Variants in KCNE3 observed in about 807,000 individuals in gnomAD.
KCNE3 encodes potassium voltage-gated channel subfamily E member 3.
A neutral mutation model predicts 4.3 loss-of-function variants in KCNE3; 2 were observed. The observed-to-expected ratio is 0.47, with a 90% CI of 0.19 to 1.48. The LOEUF (loss-of-function observed/expected upper bound fraction) is 1.48. Among genes scored for constraint, KCNE3 ranks in the 40% most tolerant of loss-of-function variants. KCNE3 has a pLI of 0.25. For synonymous variants in KCNE3, 47 were observed against 52.0 expected (o/e 0.90, Z 0.41); for missense variants, 128 against 136.8 (o/e 0.94, Z 0.32).
chr11:74,463,153 T>TA (rs1863991127), intron 1 of KCNE3, among the ~76,000 whole-genome samples: 1 of 151,962 alleles, frequency 6.6e-6, no homozygotes, highest in African/African-American at 2.4e-5. Context: ...GAGGAGGGGA[T>TA]AGACTCTGCA....
chr11:74,462,435 A>C (rs1863975186), intron 1 of KCNE3: 1 of 152,224 alleles, frequency 6.6e-6, no homozygotes, highest in South Asian at 2.1e-4. Context: ...AGCCTAAAAC[A>C]TTCCCTTTCC....
chr11:74,459,410 C>A (rs11236112), intron 2 of KCNE3, among the ~76,000 whole-genome samples: 1 of 151,550 alleles, frequency 6.6e-6, no homozygotes, highest in Non-Finnish European at 1.5e-5. Flanking sequence ...TACAGGCGCC[C>A]GCCATCACGC....
chr11:74,465,298 T>A (rs1864037952), intron 1 of KCNE3, among the ~76,000 whole-genome samples: 1 of 152,134 alleles, frequency 6.6e-6, no homozygotes, highest in Non-Finnish European at 1.5e-5. Context: ...CACACGCACA[T>A]ACATTCATGA....
chr11:74,457,707 G>A, intron 2 of KCNE3, 104 bp from the exon 3 acceptor site: 1 of 779,828 alleles, frequency 1.3e-6, no homozygotes, highest in Non-Finnish European at 2.2e-6. Flanking sequence ...TGGCTGATAT[G>A]GTTTGGCTGT....
In KCNE3 at chr11:74,461,966, C is replaced by T. The variant is rs1863964064; in HGVS notation, c.-52G>A. Reference sequence around the variant, plus strand: ...TCTGGAAGACTCACCAGACTGCTGGCAAATCCACTGGCTCTCAGTCAGTTT... The same window carrying T: ...TCTGGAAGACTCACCAGACTGCTGGTAAATCCACTGGCTCTCAGTCAGTTT... On this transcript the variant is annotated 5_prime_UTR_variant, in exon 2 of 3. Coordinates refer to ENST00000310128, the MANE Select transcript of KCNE3 (RefSeq NM_005472.5). The T allele has an allele frequency of 6.6e-6, 1 of 152,178 alleles. No individual in the cohort carries two copies. The highest frequency in any genetic ancestry group is 2.4e-5 in the African/African-American group (1 of 41,416). The allele number at this position is 152,178 out of a possible 1,614,324, so 9.4% of individuals were successfully genotyped here. A position where few individuals can be genotyped will look rare whatever the true frequency, so the allele number is the denominator to read the frequency against.
At chr11:74,459,325 A>C (rs1466030676) in intron 2 of KCNE3, among the ~76,000 whole-genome samples, 2 of 138,458 alleles carry the variant, frequency 1.4e-5, no homozygotes, top group South Asian at 4.6e-4. Flanking sequence ...GCAGTGGCGC[A>C]ATCTCGGCTC....
Position 74,456,046 on chromosome 11 carries a change from T to C in KCNE3, c.*1206A>G, listed in dbSNP as rs1261075865. 1.3e-5 allele frequency: 2 copies of C among 151,182 alleles called. No homozygotes were observed. Among genetic ancestry groups the C allele is most frequent in the East Asian group, 3.9e-4 (2 of 5,102 alleles). The allele number at this position is 151,182 out of a possible 1,614,324, so 9.4% of individuals were successfully genotyped here. A position where few individuals can be genotyped will look rare whatever the true frequency, so the allele number is the denominator to read the frequency against. ...GAAAACTTCTCTCAGATAGTCGTGG[T>C]GGCTTACACTTGTAATCCCAGCACT... On this transcript the variant is annotated 3_prime_UTR_variant, in exon 3 of 3. Transcript: ENST00000310128.
intron 2 of KCNE3, among the ~76,000 whole-genome samples, chr11:74,458,798 C>T (rs979506252): frequency 2.6e-5 from 4 of 151,534 alleles, no homozygotes; most frequent in African/African-American, 9.7e-5. Context: ...AGAGCCACTG[C>T]ACTCCAGCCT....
In KCNE3 at chr11:74,456,134, G is replaced by A. The variant is rs1367865002; in HGVS notation, c.*1118C>T. 8.7e-6 allele frequency: 1 copy of A among 115,602 alleles called. No homozygotes were observed. Among genetic ancestry groups the A allele is most frequent in the Non-Finnish European group, 1.9e-5 (1 of 53,054 alleles). 7.2% of individuals were successfully genotyped at this position (115,602 alleles called of 1,614,324 possible). On this transcript the variant is annotated 3_prime_UTR_variant, in exon 3 of 3. Transcript: ENST00000310128. ...AGTTCGAGACCAGCCTGGGCAACAT[G>A]TGAAACCCTGTCTCTACTTAAATAT...
In KCNE3 at chr11:74,457,513, C is replaced by A. The variant is rs1459285123; in HGVS notation, c.51G>T (p.Val17=). 2 of 1,614,172 alleles carry A rather than the reference C, an allele frequency of 1.2e-6. No homozygotes were observed. Among genetic ancestry groups the A allele is most frequent in the Non-Finnish European group, 8.5e-7 (1 of 1,180,014 alleles). The change falls in exon 3 of 3, where the codon GTG becomes GTT. Residue 17 remains valine, a synonymous_variant. Coordinates refer to ENST00000310128, the MANE Select transcript of KCNE3 (RefSeq NM_005472.5). ...GAAGAGTGGCATTTAGAGCCTTCAG[C>A]ACGGCATGCAGGCTCTCATACCAGG... ...TETWYESLHA[V]LKALNATLHS...
chr11:74,466,998 A>T (rs935123487), intron 1 of KCNE3, among the ~76,000 whole-genome samples: 1 of 152,232 alleles, frequency 6.6e-6, no homozygotes, highest in Non-Finnish European at 1.5e-5. Flanking sequence ...CGGTGGCTCC[A>T]GCCAAATGAG....
Position 74,457,524 on chromosome 11 carries a change from G to T in KCNE3, c.40C>A (p.Leu14Met), listed in dbSNP as rs752765414. ...TTTAGAGCCTTCAGCACGGCATGCAGGCTCTCATACCAGGTCTCCGTTCCA... is the reference window on the plus strand; with the variant it reads ...TTTAGAGCCTTCAGCACGGCATGCATGCTCTCATACCAGGTCTCCGTTCCA... The part of the protein sequence containing the change: ...TNGTETWYES[L>M]HAVLKALNAT... Residue 14 changes from leucine to methionine, a missense_variant, in exon 3 of 3, where the codon CTG becomes ATG. Physicochemically the swap from Leu to Met is conservative, Grantham distance 15. Transcript: ENST00000310128. The T allele has an allele frequency of 1.5e-5, 25 of 1,614,190 alleles. 1 individual carries two copies. The highest frequency in any genetic ancestry group is 1.3e-5 in the Non-Finnish European group (15 of 1,180,040).
In KCNE3 at chr11:74,460,234, A is replaced by AC. The variant is rs567401634; in HGVS notation, c.-41+1720dup. On this transcript the variant is annotated intron_variant, in intron 2 of 2. Transcript: ENST00000310128. ...CTCACTGAGTTAAGATCCAGGAGAT[A>AC]CACGTTCTCATCTACTACCCCATGT... is the stretch of plus-strand genomic sequence containing the variant. Among the ~76,000 whole-genome samples the AC allele has an allele frequency of 1.3e-3, 194 of 152,342 alleles. 1 individual carries two copies. Among genetic ancestry groups the AC allele is most frequent in the African/African-American group, 4.5e-3 (186 of 41,586 alleles).
chr11:74,463,813 A>C (rs41312359), intron 1 of KCNE3, among the ~76,000 whole-genome samples: 288 of 152,298 alleles, frequency 1.9e-3, no homozygotes, highest in African/African-American at 6.8e-3. Flanking sequence ...GCTACTGTTC[A>C]GGTGCTCTTT....
At chr11:74,462,222 C>G (rs1863970335) in intron 1 of KCNE3, 119 bp from the exon 2 acceptor site, 1 of 152,774 alleles carries the variant, frequency 6.5e-6, no homozygotes, top group South Asian at 2.1e-4. Context: ...CTGCTGTGGG[C>G]TCTGACCCCC....
chr11:74,465,643 G>A (rs774139355), intron 1 of KCNE3, among the ~76,000 whole-genome samples: 1 of 152,068 alleles, frequency 6.6e-6, no homozygotes, highest in Non-Finnish European at 1.5e-5. Flanking sequence ...TGATCTTGCC[G>A]TTCAAGTGTT....
At position 74,457,056 on chromosome 11, in the gene KCNE3, G is replaced by A; in HGVS notation, c.*196C>T. On this transcript the variant is annotated 3_prime_UTR_variant, in exon 3 of 3. Coordinates refer to ENST00000310128, the MANE Select transcript of KCNE3 (RefSeq NM_005472.5). ...GTTTATAAAGTCTATCTTTTCCTGGGAAAAAATCCTTATGCACAAGGCTTC... is the reference window on the plus strand; with the variant it reads ...GTTTATAAAGTCTATCTTTTCCTGGAAAAAAATCCTTATGCACAAGGCTTC... 1.6e-6 allele frequency: 1 copy of A among 617,690 alleles called. No homozygotes were observed. Among genetic ancestry groups the A allele is most frequent in the Non-Finnish European group, 2.9e-6 (1 of 348,356 alleles). 38.3% of individuals were successfully genotyped at this position (617,690 alleles called of 1,614,324 possible).
At chr11:74,457,696 A>G in intron 2 of KCNE3, 93 bp from the exon 3 acceptor site, 1 of 812,366 alleles carries the variant, frequency 1.2e-6, no homozygotes, top group Non-Finnish European at 2.1e-6. Context: ...TCTTAGCATC[A>G]TGGCTGATAT....
intron 2 of KCNE3, among the ~76,000 whole-genome samples, chr11:74,459,104 T>A (rs1863886225): frequency 6.6e-6 from 1 of 152,178 alleles, no homozygotes; most frequent in Admixed American, 6.5e-5. Flanking sequence ...GTTCTCAGTC[T>A]GGCTTGGGGT....
Sources: gnomAD v4.1 joint callset for allele counts (sites outside exome capture counted in the v4.1 genomes callset) on GRCh38, gnomAD v4.1.1 for gene constraint, MANE v1.5 for transcripts, NCBI Gene and HGNC (gene_info 2026-07-23, HGNC 2026-07-21) for gene names.